The following CUX1 variants were observed in gnomAD, a reference collection of about 807,000 sequenced individuals.
The protein encoded by CUX1 is protein CASP.
CUX1 carries 31 observed loss-of-function variants against 158.8 expected under a neutral mutation model. That is an observed-to-expected ratio of 0.20 (90% CI 0.15 to 0.26). The LOEUF (loss-of-function observed/expected upper bound fraction) is 0.26. CUX1 is among the 10% of genes least tolerant of loss of function. The pLI is 1.00. For missense variants in CUX1, 1,589 were observed against 2,014.6 expected (o/e 0.79, Z 4.04); for synonymous variants, 879 against 862.1 (o/e 1.02, Z -0.34).
chr7:101,962,814 G>A (rs1810677299), intron 2 of CUX1, among the ~76,000 whole-genome samples: 1 of 152,070 alleles, frequency 6.6e-6, no homozygotes, highest in Admixed American at 6.6e-5. Flanking sequence ...TCAAACTCCT[G>A]GGCTCAAGCA....
At chr7:102,066,743 G>C (rs940107910) in intron 3 of CUX1, among the ~76,000 whole-genome samples, 2 of 152,152 alleles carry the variant, frequency 1.3e-5, no homozygotes, top group Non-Finnish European at 2.9e-5. Flanking sequence ...AGAGCCCCAG[G>C]TTGCGTTCCA....
Position 102,200,085 on chromosome 7 carries a change from C to G in CUX1, c.1975C>G (p.Arg659Gly), listed in dbSNP as rs1795255257. The change falls in exon 17 of 24, where the codon CGG (arginine) becomes GGG (glycine). Residue 659 changes from arginine (R) to glycine (G), a missense_variant. By Grantham distance (125) the Arg-to-Gly change is moderately radical. Transcript: ENST00000292535. ...RNGSEGNITTRIRASETGSDE... is the reference protein window; with the variant it reads ...RNGSEGNITTGIRASETGSDE... Reference sequence around the variant, plus strand: ...TCTCCCCACAGGTAACATCACCACCCGGATCCGAGCCTCGGAGACTGGCTC... The same window carrying G: ...TCTCCCCACAGGTAACATCACCACCGGGATCCGAGCCTCGGAGACTGGCTC... The G allele has an allele frequency of 1.2e-6, 2 of 1,611,944 alleles. No homozygotes were observed. The highest frequency in any genetic ancestry group is 1.7e-6 in the Non-Finnish European group (2 of 1,179,046).
intron 8 of CUX1, among the ~76,000 whole-genome samples, chr7:102,116,263 G>A (rs1831428226): frequency 6.6e-6 from 1 of 152,086 alleles, no homozygotes; most frequent in South Asian, 2.1e-4. Context: ...TGGGGTTCTT[G>A]GCCCTTTGCT....
intron 4 of CUX1, among the ~76,000 whole-genome samples, chr7:102,088,078 A>G (rs1477097535): frequency 1.3e-5 from 2 of 151,076 alleles, no homozygotes; most frequent in Non-Finnish European, 2.9e-5. Flanking sequence ...GCTCACTGCA[A>G]CCTCCATCTC....
intron 5 of CUX1, among the ~76,000 whole-genome samples, chr7:102,101,914 TAA>T (rs66607293): frequency 0.46 from 64,686 of 139,432 alleles, 14,455 homozygotes; most frequent in Middle Eastern, 0.55. Context: ...TCTGTCTCAA[TAA>T]AAAAAAAAAA....
chr7:102,026,384 G>T (rs998456072), intron 2 of CUX1, among the ~76,000 whole-genome samples: 1 of 152,086 alleles, frequency 6.6e-6, no homozygotes, highest in Non-Finnish European at 1.5e-5. Context: ...AGCACATATG[G>T]CTGTATGTGT....
At chr7:102,067,461 C>T (rs1292910629) in intron 3 of CUX1, among the ~76,000 whole-genome samples, 1 of 151,498 alleles carries the variant, frequency 6.6e-6, no homozygotes, top group Non-Finnish European at 1.5e-5. Context: ...TGGTCTTAAA[C>T]TCTTGACCTC....
chr7:102,210,368 A>T (rs1796396204), intron 20 of CUX1, among the ~76,000 whole-genome samples: 1 of 152,178 alleles, frequency 6.6e-6, no homozygotes, highest in African/African-American at 2.4e-5. Flanking sequence ...AAGTGCTAGG[A>T]TTACAGGTGT....
chr7:101,974,686 G>A (rs939680403), intron 2 of CUX1, among the ~76,000 whole-genome samples: 8 of 152,170 alleles, frequency 5.3e-5, no homozygotes, highest in Admixed American at 2.0e-4. Context: ...GCAGCCAGGG[G>A]TGATATCAGC....
intron 3 of CUX1, among the ~76,000 whole-genome samples, chr7:102,049,289 C>T (rs1823206530): frequency 6.6e-6 from 1 of 152,218 alleles, no homozygotes; most frequent in Admixed American, 6.5e-5. Context: ...GCAACAGCTG[C>T]GTGCCAGAAG....
intron 2 of CUX1, among the ~76,000 whole-genome samples, chr7:101,994,409 AC>A (rs949957485): frequency 1.3e-5 from 2 of 152,136 alleles, no homozygotes; most frequent in African/African-American, 2.4e-5. Flanking sequence ...TTTGAGACCT[AC>A]CTGGGCAACA....
chr7:102,115,502 T>C lies in CUX1; in HGVS notation c.674+229T>C, dbSNP rs782072800. ...GAAGGCTGGTCACTGCTATGCCTTC[T>C]GCCATGAAAATTTGGGAGTTAGTTT... On this transcript the variant is annotated intron_variant, in intron 8 of 23. Transcript: ENST00000292535. 331 of 425,652 alleles carry C rather than the reference T, an allele frequency of 7.8e-4. 4 individuals carry two copies. Among genetic ancestry groups the C allele is most frequent in the Non-Finnish European group, 1.3e-4 (32 of 244,830 alleles). The allele number at this position is 425,652 out of a possible 1,614,324, so 26.4% of individuals were successfully genotyped here.
intron 2 of CUX1, among the ~76,000 whole-genome samples, chr7:101,985,765 TGTCA>T (rs1233481605): frequency 6.6e-6 from 1 of 152,224 alleles, no homozygotes; most frequent in East Asian, 1.9e-4. Flanking sequence ...CCGGGTATGG[TGTCA>T]GTGTCTGCCA....
At chr7:102,127,627 A>T (rs1391540464) in intron 8 of CUX1, among the ~76,000 whole-genome samples, 4 of 152,000 alleles carry the variant, frequency 2.6e-5, no homozygotes, top group Non-Finnish European at 4.4e-5. Flanking sequence ...CTTATCATTA[A>T]ATATTCTTCA....
At chr7:101,934,965 A>G (rs1414049093) in intron 2 of CUX1, among the ~76,000 whole-genome samples, 1 of 152,112 alleles carries the variant, frequency 6.6e-6, no homozygotes, top group Non-Finnish European at 1.5e-5. Context: ...GGGTCCACGT[A>G]TAGGAGTGGA....
chr7:102,011,045 G>A (rs1380071725), intron 2 of CUX1, among the ~76,000 whole-genome samples: 2 of 151,938 alleles, frequency 1.3e-5, no homozygotes, highest in African/African-American at 2.4e-5. Context: ...CCTGGGAGGC[G>A]GAGGTTGCAG....
chr7:102,127,223 A>G (rs1019935799), intron 8 of CUX1, among the ~76,000 whole-genome samples: 2 of 151,670 alleles, frequency 1.3e-5, no homozygotes, highest in Non-Finnish European at 2.9e-5. Flanking sequence ...TTTTCTTTTT[A>G]CGAGATAGGG....
At chr7:102,266,998 G>C (rs1353276746) in intron 14 of CUX1, among the ~76,000 whole-genome samples, 1 of 152,176 alleles carries the variant, frequency 6.6e-6, no homozygotes, top group African/African-American at 2.4e-5. Context: ...AAGAGCCGGT[G>C]CTGCAGGAGA....
At chr7:102,096,936 C>G (rs191099834) in intron 4 of CUX1, among the ~76,000 whole-genome samples, 76 of 152,356 alleles carry the variant, frequency 5.0e-4, no homozygotes, top group South Asian at 1.0e-3. Context: ...CACTTCCAGC[C>G]TCATAATCAC....
Sources: allele counts gnomAD v4.1 joint callset (sites outside exome capture counted in the v4.1 genomes callset), GRCh38; gene constraint gnomAD v4.1.1; transcripts MANE v1.5; gene names NCBI Gene and HGNC (gene_info 2026-07-23, HGNC 2026-07-21).